Variants in CPS1 observed in about 807,000 individuals in gnomAD.
CPS1 encodes the protein carbamoyl-phosphate synthase 1.
In CPS1, 109 loss-of-function variants were observed where a neutral mutation model predicts 174.6. The ratio of observed to expected loss-of-function variants is 0.62; its 90% CI spans 0.53 to 0.73. The LOEUF (loss-of-function observed/expected upper bound fraction) is 0.73, where lower values mean the gene tolerates loss of function less well. Among genes scored for constraint, CPS1 ranks in the 30% least tolerant of loss-of-function variants. CPS1 has a pLI of 0.00. For synonymous variants in CPS1, 637 were observed against 632.0 expected (o/e 1.01, Z -0.12); for missense variants, 1,689 against 1,821.9 (o/e 0.93, Z 1.33).
At chr2:210,567,037 A>G (rs1341422652) in intron 1 of CPS1, among the ~76,000 whole-genome samples, 1 of 152,164 alleles carries the variant, frequency 6.6e-6, no homozygotes, top group Non-Finnish European at 1.5e-5. Flanking sequence ...ATAGATAATT[A>G]TATATGCAAC....
intron 1 of CPS1, among the ~76,000 whole-genome samples, chr2:210,530,219 AC>A (rs1219758499): frequency 1.3e-5 from 2 of 152,048 alleles, no homozygotes; most frequent in Non-Finnish European, 2.9e-5. Flanking sequence ...GTTAAGTAAT[AC>A]AGTTTTTGAT....
At chr2:210,501,158 G>A (rs1360945120) in intron 1 of CPS1, among the ~76,000 whole-genome samples, 2 of 152,058 alleles carry the variant, frequency 1.3e-5, no homozygotes, top group Non-Finnish European at 2.9e-5. Context: ...CACACATCGG[G>A]GGGCCCTGGA....
intron 6 of CPS1, among the ~76,000 whole-genome samples, chr2:210,583,958 G>A (rs1399966769): frequency 6.6e-6 from 1 of 152,118 alleles, no homozygotes; most frequent in Non-Finnish European, 1.5e-5. Context: ...GGGAGGAAGA[G>A]GGGCTGAATG....
At chr2:210,670,836 A>G (rs1701276892) in intron 34 of CPS1, among the ~76,000 whole-genome samples, 1 of 152,166 alleles carries the variant, frequency 6.6e-6, no homozygotes, top group African/African-American at 2.4e-5. Context: ...CAATAGGTCA[A>G]AGTATCTGGG....
chr2:210,635,984 A>T (rs1700032255), intron 21 of CPS1, among the ~76,000 whole-genome samples: 1 of 152,238 alleles, frequency 6.6e-6, no homozygotes, highest in African/African-American at 2.4e-5. Context: ...ATATGAATTA[A>T]TTAAAGCAGA....
At chr2:210,478,991 A>G (rs1270948952) in intron 1 of CPS1, among the ~76,000 whole-genome samples, 1 of 143,896 alleles carries the variant, frequency 6.9e-6, no homozygotes, top group Non-Finnish European at 1.5e-5. Flanking sequence ...TTTTTGTCAG[A>G]GAACCAACCC....
intron 1 of CPS1, among the ~76,000 whole-genome samples, chr2:210,570,324 C>A (rs1259926228): frequency 2.0e-5 from 3 of 152,034 alleles, no homozygotes; most frequent in African/African-American, 7.2e-5. Flanking sequence ...GCAAATGTCT[C>A]TTCAACTACA....
intron 34 of CPS1, chr2:210,674,601 G>T: frequency 5.1e-6 from 2 of 390,246 alleles, no homozygotes; most frequent in East Asian, 4.8e-5. Flanking sequence ...AAGGATCCTT[G>T]TAGAACCGAA....
chr2:210,614,748 G>A (rs1235531824), intron 20 of CPS1, among the ~76,000 whole-genome samples: 1 of 151,918 alleles, frequency 6.6e-6, no homozygotes, highest in Non-Finnish European at 1.5e-5. Flanking sequence ...CATGGATGAA[G>A]CTGGAAACCA....
At chr2:210,639,236 C>G in intron 23 of CPS1, 21 bp downstream of exon 23, 1 of 1,571,854 alleles carries the variant, frequency 6.4e-7, no homozygotes, top group Non-Finnish European at 8.8e-7. Context: ...GCAAATTGGC[C>G]TATCCAGAAA....
In CPS1 at chr2:210,677,915, A is replaced by G; in HGVS notation, c.4433A>G (p.Gln1478Arg). The G allele has an allele frequency of 6.2e-7, 1 of 1,614,112 alleles. No homozygotes were observed. The highest frequency in any genetic ancestry group is 8.5e-7 in the Non-Finnish European group (1 of 1,179,976). ...QVTKLFAEAVQKSRKVDSKSL... is the reference protein window; with the variant it reads ...QVTKLFAEAVRKSRKVDSKSL... ...ACCAAACTTTTTGCTGAAGCTGTGC[A>G]GAAATCTCGCAAGGTGGACTCCAAG... is the stretch of plus-strand genomic sequence containing the variant. The change falls in exon 38 of 38, where the codon CAG becomes CGG. Residue 1478 changes from glutamine (Q) to arginine (R), a missense_variant. Coordinates refer to ENST00000233072, the MANE Select transcript of CPS1 (RefSeq NM_001875.5).
At chr2:210,486,776 C>T (rs1050987266) in intron 1 of CPS1, among the ~76,000 whole-genome samples, 3 of 152,160 alleles carry the variant, frequency 2.0e-5, no homozygotes, top group African/African-American at 7.2e-5. Flanking sequence ...TCCCAAAGTG[C>T]CAGGATTATA....
intron 1 of CPS1, among the ~76,000 whole-genome samples, chr2:210,531,071 T>C (rs1696102699): frequency 6.6e-6 from 1 of 152,066 alleles, no homozygotes; most frequent in Non-Finnish European, 1.5e-5. Context: ...ATGTCATCAG[T>C]TGAATAAAAC....
chr2:210,480,399 G>T (rs983399459), intron 1 of CPS1, among the ~76,000 whole-genome samples: 6 of 152,200 alleles, frequency 3.9e-5, no homozygotes, highest in African/African-American at 1.2e-4. Context: ...GACTGACTTT[G>T]GTGGACAGTT....
chr2:210,514,785 C>CTTTTT (rs59164194), intron 1 of CPS1, among the ~76,000 whole-genome samples: 1 of 140,834 alleles, frequency 7.1e-6, no homozygotes, highest in African/African-American at 2.6e-5. Flanking sequence ...GGGAATGCTT[C>CTTTTT]TTTTTTTTTT....
chr2:210,608,666 C>T (rs1363180439), intron 19 of CPS1, 107 bp downstream of exon 19: 6 of 1,060,104 alleles, frequency 5.7e-6, no homozygotes, highest in African/African-American at 3.1e-5. Context: ...AACACATGGA[C>T]AGTGTTAAAG....
chr2:210,492,827 A>G (rs1694905237), intron 1 of CPS1, among the ~76,000 whole-genome samples: 1 of 151,778 alleles, frequency 6.6e-6, no homozygotes, highest in African/African-American at 2.4e-5. Context: ...AAGAAAACAT[A>G]TCACATTGAA....
Position 210,658,610 on chromosome 2 carries a change from T to C in CPS1, c.3678T>C (p.Ala1226=). 6.2e-7 allele frequency: 1 copy of C among 1,614,030 alleles called. No homozygotes were observed. Among genetic ancestry groups the C allele is most frequent in the South Asian group, 1.1e-5 (1 of 91,078 alleles). ...GCTTTTTAATTCAGGTGAAGGATGC[T>C]ACCCGGAAGATTGCAAAGGCTTTTG... ...SQGAIEKVKD[A]TRKIAKAFAI... Residue 1226 remains alanine (A), a synonymous_variant, in exon 31 of 38, where the codon GCT becomes GCC. Coordinates refer to ENST00000233072, the MANE Select transcript of CPS1 (RefSeq NM_001875.5).
intron 33 of CPS1, among the ~76,000 whole-genome samples, chr2:210,667,820 A>G (rs903048023): frequency 6.6e-6 from 1 of 152,224 alleles, no homozygotes; most frequent in African/African-American, 2.4e-5. Context: ...ACATTCGGAA[A>G]CTTACCACAT....
Sources: gnomAD v4.1 joint callset for allele counts (sites outside exome capture counted in the v4.1 genomes callset) on GRCh38, gnomAD v4.1.1 for gene constraint, MANE v1.5 for transcripts, NCBI Gene and HGNC (gene_info 2026-07-23, HGNC 2026-07-21) for gene names.